STAG1: variants seen among roughly 807,000 people sequenced by gnomAD.
STAG1 encodes the protein STAG1 cohesin complex component.
Under a neutral mutation model 170.9 loss-of-function variants are expected in STAG1, and 26 were observed. That is an observed-to-expected ratio of 0.15 (90% CI 0.11 to 0.21). STAG1 has a LOEUF of 0.21. Ranked by LOEUF, STAG1 falls within the 10% of genes least tolerant of loss-of-function variation. STAG1 has a pLI of 1.00. For missense variants in STAG1, 964 were observed against 1,509.5 expected, an observed-to-expected ratio of 0.64 and a Z score of 5.99; for synonymous variants, 514 against 497.7, an observed-to-expected ratio of 1.03 and a Z score of -0.44.
chr3:136,462,276 T>C (rs1395510691), intron 13 of STAG1, among the ~76,000 whole-genome samples: 2 of 152,188 alleles, frequency 1.3e-5, no homozygotes, highest in Non-Finnish European at 2.9e-5. Context: ...ATAGTAGTGA[T>C]ACATGGAATC....
chr3:136,376,007 A>ATT (rs1270067786), intron 23 of STAG1, among the ~76,000 whole-genome samples: 11 of 138,548 alleles, frequency 7.9e-5, no homozygotes, highest in African/African-American at 3.1e-4. Flanking sequence ...TAAATAAATA[A>ATT]ATAATTAACA....
At chr3:136,712,233 G>T (rs1010559754) in intron 1 of STAG1, among the ~76,000 whole-genome samples, 1 of 152,078 alleles carries the variant, frequency 6.6e-6, no homozygotes, top group Non-Finnish European at 1.5e-5. Flanking sequence ...AGCCAGGATG[G>T]TCTCGATCTC....
chr3:136,476,795 G>C (rs1209282285), intron 10 of STAG1, among the ~76,000 whole-genome samples: 1 of 151,812 alleles, frequency 6.6e-6, no homozygotes, highest in African/African-American at 2.4e-5. Context: ...GTTATTCTAA[G>C]GATTACTTAT....
chr3:136,437,575 C>A (rs1008737089), intron 15 of STAG1, among the ~76,000 whole-genome samples: 1 of 152,178 alleles, frequency 6.6e-6, no homozygotes, highest in Non-Finnish European at 1.5e-5. Flanking sequence ...TCTGGCTTCT[C>A]CCTTTTAGTA....
At chr3:136,480,998 C>G (rs2089890623) in intron 9 of STAG1, among the ~76,000 whole-genome samples, 1 of 134,396 alleles carries the variant, frequency 7.4e-6, no homozygotes. Flanking sequence ...ATGGGGTTTT[C>G]TAGATATACA....
In STAG1 at chr3:136,519,433, C is replaced by A. The variant is rs145042454; in HGVS notation, c.676+1780G>T. ...CTTATTGCTTCTCCTTCTCTCTTGG[C>A]CTTGGGAAACCCAGATAATAACTTC... On this transcript the variant is annotated intron_variant, in intron 7 of 33. Transcript: ENST00000383202. 2.4e-3 allele frequency among the ~76,000 whole-genome samples: 368 copies of A among 152,138 alleles called. 3 individuals are homozygous for A. Among genetic ancestry groups the A allele is most frequent in the African/African-American group, 8.5e-3 (352 of 41,552 alleles).
At chr3:136,394,346 C>A (rs796077108) in intron 22 of STAG1, among the ~76,000 whole-genome samples, 40 of 152,240 alleles carry the variant, frequency 2.6e-4, no homozygotes, top group African/African-American at 9.1e-4. Flanking sequence ...AAAGAAACTA[C>A]CAACAACTTC....
chr3:136,562,877 G>A (rs532945282), intron 5 of STAG1, among the ~76,000 whole-genome samples: 40 of 152,084 alleles, frequency 2.6e-4, no homozygotes, highest in Non-Finnish European at 4.7e-4. Flanking sequence ...TGTGAGTCAC[G>A]ACGCCCAGCA....
chr3:136,341,499 G>A lies in STAG1; in HGVS notation c.3499C>T (p.Arg1167Trp). 1 of 1,613,862 alleles carries A rather than the reference G, an allele frequency of 6.2e-7. No homozygotes were observed. The highest frequency in any genetic ancestry group is 8.5e-7 in the Non-Finnish European group (1 of 1,179,940). ...TAGTTCATTCCTGTTCTGTCCTTCCGATTTAAGTCTTCTAACTTCGGCTGG... is the reference window on the plus strand; with the variant it reads ...TAGTTCATTCCTGTTCTGTCCTTCCAATTTAAGTCTTCTAACTTCGGCTGG... ...LGQPKLEDLNRKDRTGMNYMK... is the reference protein window; with the variant it reads ...LGQPKLEDLNWKDRTGMNYMK... The change falls in exon 31 of 34, where the codon CGG (arginine) becomes TGG (tryptophan). Residue 1167 changes from arginine (R) to tryptophan (W), a missense_variant. By Grantham distance (101) the Arg-to-Trp change is moderately radical. Around this residue, in one of 11 missense-constraint regions of STAG1, gnomAD observed 122 missense variants for 129.0 expected, o/e 0.95. Coordinates refer to ENST00000383202, the MANE Select transcript of STAG1 (RefSeq NM_005862.3).
chr3:136,381,024 G>GAAAAAAAA (rs1196287485), intron 22 of STAG1, among the ~76,000 whole-genome samples: 1 of 73,124 alleles, frequency 1.4e-5, no homozygotes, highest in Admixed American at 1.4e-4. Flanking sequence ...ACCCTGTCTC[G>GAAAAAAAA]AAAAAAAAAA....
rs540111407 is a variant in STAG1, at chr3:136,640,296, G to C, written c.-83-9315C>G. On this transcript the variant is annotated intron_variant, in intron 1 of 33. Coordinates refer to ENST00000383202, the MANE Select transcript of STAG1 (RefSeq NM_005862.3). ...ATTGAAAAATAAAGTATCTAATTTT[G>C]TGTGGTTACTTTAAATCCAAAGAGA... Among the ~76,000 whole-genome samples the C allele has an allele frequency of 2.6e-5, 4 of 151,850 alleles. No individual in the cohort carries two copies. The South Asian group carries it at 6.2e-4, about 24-fold the overall frequency.
chr3:136,736,755 T>C (rs542970586), intron 1 of STAG1: 82 of 1,601,290 alleles, frequency 5.1e-5, no homozygotes, highest in South Asian at 5.0e-4. Context: ...AAGAGTTTCA[T>C]TGTCTGTTTA....
chr3:136,453,379 C>G (rs1484027236), intron 13 of STAG1, among the ~76,000 whole-genome samples: 1 of 152,042 alleles, frequency 6.6e-6, no homozygotes, highest in Non-Finnish European at 1.5e-5. Flanking sequence ...ATCATGAAGT[C>G]AGGAGATTGA....
chr3:136,610,074 G>A (rs559032699), intron 3 of STAG1, among the ~76,000 whole-genome samples: 22 of 151,166 alleles, frequency 1.5e-4, no homozygotes, highest in South Asian at 8.4e-4. Flanking sequence ...CTCGTCTGTC[G>A]CCCAGGCTGG....
intron 22 of STAG1, among the ~76,000 whole-genome samples, chr3:136,385,831 G>A (rs1459911774): frequency 6.6e-6 from 1 of 151,766 alleles, no homozygotes; most frequent in African/African-American, 2.4e-5. Flanking sequence ...CCTCCCAAGG[G>A]GCTGGGAATA....
At chr3:136,410,917 C>T (rs138202641) in intron 21 of STAG1, among the ~76,000 whole-genome samples, 154 of 152,162 alleles carry the variant, frequency 1.0e-3, no homozygotes, top group African/African-American at 3.6e-3. Flanking sequence ...TAGCTGGGCA[C>T]GGTGGCATAT....
At chr3:136,638,130 C>CTT (rs34896224) in intron 1 of STAG1, among the ~76,000 whole-genome samples, 22,574 of 142,312 alleles carry the variant, frequency 0.16, 2,170 homozygotes, top group Non-Finnish European at 0.22. Context: ...GCTGCATTTT[C>CTT]TTTTTTTTTT....
At chr3:136,608,664 G>A (rs1465428229) in intron 3 of STAG1, among the ~76,000 whole-genome samples, 1 of 150,036 alleles carries the variant, frequency 6.7e-6, no homozygotes, top group Non-Finnish European at 1.5e-5. Flanking sequence ...AGTTAGCTAG[G>A]GTAGTAGTGT....
rs545869437 is a variant in STAG1 at position 136,445,878 on chromosome 3, A to G, written c.1429-2474T>C. ...CCAGCCTATTATTTATAAACTTCCTATAAGTTATTTTAAGATGTGTTTGTA... is the reference window on the plus strand; with the variant it reads ...CCAGCCTATTATTTATAAACTTCCTGTAAGTTATTTTAAGATGTGTTTGTA... On this transcript the variant is annotated intron_variant, in intron 14 of 33. Coordinates refer to ENST00000383202, the MANE Select transcript of STAG1 (RefSeq NM_005862.3). Among the ~76,000 whole-genome samples the G allele has an allele frequency of 7.9e-5, 12 of 152,268 alleles. No homozygotes were observed. The East Asian group carries it at 9.6e-4, about 12-fold the overall frequency.
Sources: gnomAD v4.1 joint callset for allele counts (sites outside exome capture counted in the v4.1 genomes callset) on GRCh38, gnomAD v4.1.1 for gene constraint, gnomAD v4.1.1 regional missense constraint, MANE v1.5 for transcripts, NCBI Gene and HGNC (gene_info 2026-07-23, HGNC 2026-07-21) for gene names.